Variants in CARM1 observed in about 807,000 individuals in gnomAD.
CARM1 encodes the protein coactivator associated arginine methyltransferase 1.
CARM1 carries 14 observed loss-of-function variants against 72.7 expected under a neutral mutation model. That is an observed-to-expected ratio of 0.19 (90% CI 0.13 to 0.30). The LOEUF is 0.30. Ranked by LOEUF, CARM1 falls within the 10% of genes least tolerant of loss-of-function variation. The pLI is 1.00. For synonymous variants in CARM1, 333 were observed against 345.5 expected (o/e 0.96, Z 0.40); for missense variants, 432 against 833.7 (o/e 0.52, Z 5.93).
rs1280723310 is a variant in CARM1 at position 10,916,400 on chromosome 19, C to A, written c.848-7C>A. The A allele has an allele frequency of 6.2e-7, 1 of 1,606,868 alleles. No individual in the cohort carries two copies. The highest frequency in any genetic ancestry group is 1.1e-5 in the South Asian group (1 of 90,966). The stretch of plus-strand genomic sequence containing the variant: ...GACGCCAGCACCCCTCCCTGCCCCA[C>A]TCCCAGGAAACATGTTTCCTACCAT... On this transcript the variant is annotated splice_region_variant and splice_polypyrimidine_tract_variant and intron_variant, in intron 6 of 15. Coordinates refer to ENST00000327064, the MANE Select transcript of CARM1 (RefSeq NM_199141.2). The surrounding 1 kb of genome is among the most constrained non-coding windows in gnomAD (Gnocchi z 4.4).
chr19:10,882,730 C>T (rs888856349), intron 1 of CARM1, among the ~76,000 whole-genome samples: 1 of 151,788 alleles, frequency 6.6e-6, no homozygotes, highest in African/African-American at 2.4e-5. Flanking sequence ...TTAGTAGAGA[C>T]GGGGTTTCAC....
chr19:10,879,622 G>T (rs747276944), intron 1 of CARM1, among the ~76,000 whole-genome samples: 3 of 151,954 alleles, frequency 2.0e-5, no homozygotes, highest in Admixed American at 1.3e-4. Flanking sequence ...GATTTTTTTG[G>T]TTTTTTTGGA....
At chr19:10,876,858 G>A (rs953118231) in intron 1 of CARM1, among the ~76,000 whole-genome samples, 1 of 152,248 alleles carries the variant, frequency 6.6e-6, no homozygotes, top group Non-Finnish European at 1.5e-5. Context: ...CAGCCCTGTG[G>A]CGCTCTTTCT....
chr19:10,880,288 G>A (rs1435293584), intron 1 of CARM1, among the ~76,000 whole-genome samples: 1 of 152,202 alleles, frequency 6.6e-6, no homozygotes, highest in African/African-American at 2.4e-5. Flanking sequence ...GCTGCTTGAG[G>A]TGGCGAGTTG....
intron 1 of CARM1, among the ~76,000 whole-genome samples, chr19:10,890,789 ATATATATTTTTTTTTT>A (rs1356214582): frequency 4.2e-5 from 4 of 95,630 alleles, no homozygotes; most frequent in African/African-American, 2.0e-4. Context: ...ATATATATAT[ATATATATTTTTTTTTT>A]TTTTTTTTTT....
At chr19:10,894,411 G>A (rs575282932) in intron 1 of CARM1, among the ~76,000 whole-genome samples, 1 of 152,146 alleles carries the variant, frequency 6.6e-6, no homozygotes, top group Non-Finnish European at 1.5e-5. Flanking sequence ...GCCACGGGGG[G>A]TCGGGGTGTC....
rs1229015115 is a variant in CARM1 at position 10,871,637 on chromosome 19, G to GGCGGCGGCGGCGGCGGCGGCGGCAGCA, written c.-64_-63insGGCGGCGGCGGCGGCGGCGGCAGCAGC. On this transcript the variant is annotated 5_prime_UTR_variant, in exon 1 of 16. Transcript: ENST00000327064. The surrounding 1 kb of genome is among the most constrained non-coding windows in gnomAD (Gnocchi z 5.6). The stretch of plus-strand genomic sequence containing the variant: ...CGGCGGCGGCGGCGGCGGCGGCGGC[G>GGCGGCGGCGGCGGCGGCGGCGGCAGCA]GCAGCGGCGGCGGCCTGGGCCCGGG... 8 of 164,136 alleles carry GGCGGCGGCGGCGGCGGCGGCGGCAGCA rather than the reference G, an allele frequency of 4.9e-5. No individual in the cohort carries two copies. Among genetic ancestry groups the GGCGGCGGCGGCGGCGGCGGCGGCAGCA allele is most frequent in the African/African-American group, 2.7e-4 (7 of 26,028 alleles). The allele number at this position is 164,136 out of a possible 1,614,324, so 10.2% of individuals were successfully genotyped here.
At chr19:10,885,489 G>A (rs1257261658) in intron 1 of CARM1, among the ~76,000 whole-genome samples, 1 of 152,152 alleles carries the variant, frequency 6.6e-6, no homozygotes, top group Non-Finnish European at 1.5e-5. Flanking sequence ...AGCGGTGTGG[G>A]CATGGGTGCT....
intron 1 of CARM1, among the ~76,000 whole-genome samples, chr19:10,899,135 C>T (rs1205224890): frequency 6.6e-6 from 1 of 150,476 alleles, no homozygotes; most frequent in African/African-American, 2.5e-5. Flanking sequence ...AAGCTGCCGG[C>T]TCCGCGGGCT....
chr19:10,895,567 T>C (rs1444058878), intron 1 of CARM1, among the ~76,000 whole-genome samples: 1 of 152,176 alleles, frequency 6.6e-6, no homozygotes, highest in African/African-American at 2.4e-5. Flanking sequence ...ATGCTAAACA[T>C]CTCTGCGTGG....
chr19:10,882,530 C>CTG (rs927287674), intron 1 of CARM1, among the ~76,000 whole-genome samples: 1 of 133,868 alleles, frequency 7.5e-6, no homozygotes, highest in African/African-American at 2.7e-5. Flanking sequence ...CCAGTGCACT[C>CTG]TGTCTTTTTT....
At chr19:10,897,959 T>C (rs1489648435) in intron 1 of CARM1, among the ~76,000 whole-genome samples, 1 of 151,590 alleles carries the variant, frequency 6.6e-6, no homozygotes, top group Non-Finnish European at 1.5e-5. Flanking sequence ...CAAAAAAAAT[T>C]AGCCGGGCGA....
rs139987429 is a variant in CARM1 at position 10,914,803 on chromosome 19, G to A, written c.847+749G>A. 6.0e-4 allele frequency among the ~76,000 whole-genome samples: 92 copies of A among 152,300 alleles called. 1 individual carries two copies. In the East Asian group the frequency reaches 0.016, roughly 27 times the overall value. ...ACTCCTGACCTCAGGTGATCTACCC[G>A]CCTCAGCCTCCCAAAGTGTTGGGAT... On this transcript the variant is annotated intron_variant, in intron 6 of 15. Coordinates refer to ENST00000327064, the MANE Select transcript of CARM1 (RefSeq NM_199141.2).
chr19:10,881,936 C>G (rs757293155), intron 1 of CARM1, among the ~76,000 whole-genome samples: 13 of 151,814 alleles, frequency 8.6e-5, no homozygotes, highest in Non-Finnish European at 1.3e-4. Flanking sequence ...CTGAGGAGCG[C>G]TAAATCAGCA....
chr19:10,914,755 CGT>C (rs1255489131), intron 6 of CARM1, among the ~76,000 whole-genome samples: 1 of 152,158 alleles, frequency 6.6e-6, no homozygotes, highest in African/African-American at 2.4e-5. Context: ...GGGGTTTCAC[CGT>C]GTTGGTCAGG....
At chr19:10,873,831 G>A (rs1250927943) in intron 1 of CARM1, among the ~76,000 whole-genome samples, 1 of 151,448 alleles carries the variant, frequency 6.6e-6, no homozygotes, top group Non-Finnish European at 1.5e-5. Flanking sequence ...AGTAGAGACG[G>A]GGTTTCACCA....
intron 1 of CARM1, among the ~76,000 whole-genome samples, chr19:10,878,805 G>A (rs1034138845): frequency 2.7e-5 from 4 of 150,904 alleles, no homozygotes; most frequent in African/African-American, 4.9e-5. Flanking sequence ...TCCTCCCCCC[G>A]GCTTTTTTTT....
chr19:10,893,615 G>T (rs1291773268), intron 1 of CARM1, among the ~76,000 whole-genome samples: 1 of 152,228 alleles, frequency 6.6e-6, no homozygotes, highest in Non-Finnish European at 1.5e-5. Context: ...TGAGATTACA[G>T]GCGTGAGCCA....
intron 14 of CARM1, 37 bp downstream of exon 14, chr19:10,921,164 ATGCCCAGGAC>A (rs1168917937): frequency 3.8e-6 from 6 of 1,595,290 alleles, no homozygotes; most frequent in African/African-American, 2.7e-5. Flanking sequence ...GCAGGGAGCC[ATGCCCAGGAC>A]TGCCCAGGGG....
Sources: gnomAD v4.1 joint callset for allele counts (sites outside exome capture counted in the v4.1 genomes callset) on GRCh38, gnomAD v4.1.1 for gene constraint, Gnocchi (gnomAD v3.1) non-coding constraint, MANE v1.5 for transcripts, NCBI Gene and HGNC (gene_info 2026-07-23, HGNC 2026-07-21) for gene names.